CADM2: variants seen among roughly 807,000 people sequenced by gnomAD.
CADM2 encodes the protein immunoglobulin superfamily member 4D.
Under a neutral mutation model 49.8 loss-of-function variants are expected in CADM2, and 12 were observed. The observed-to-expected ratio is 0.24, with a 90% CI of 0.15 to 0.39. The LOEUF (loss-of-function observed/expected upper bound fraction) is 0.39, where lower values mean the gene tolerates loss of function less well. Ranked by LOEUF, CADM2 falls within the 10% of genes least tolerant of loss-of-function variation. CADM2 has a pLI of 1.00. For synonymous variants in CADM2, 214 were observed against 175.4 expected, an observed-to-expected ratio of 1.22 and a Z score of -1.74; for missense variants, 378 against 492.3, an observed-to-expected ratio of 0.77 and a Z score of 2.20.
chr3:85,867,805 A>G (rs1421718476), intron 3 of CADM2, among the ~76,000 whole-genome samples: 1 of 152,096 alleles, frequency 6.6e-6, no homozygotes, highest in African/African-American at 2.4e-5. Flanking sequence ...GTGAATCGGC[A>G]AGTATAAGAA....
intron 1 of CADM2, among the ~76,000 whole-genome samples, chr3:85,118,853 G>T (rs545056602): frequency 6.6e-6 from 1 of 152,086 alleles, no homozygotes; most frequent in East Asian, 1.9e-4. Flanking sequence ...GGGTTCAAGC[G>T]ATTCTCCTGC....
chr3:85,637,446 T>A (rs4422324), intron 1 of CADM2, among the ~76,000 whole-genome samples: 2 of 144,234 alleles, frequency 1.4e-5, no homozygotes, highest in Non-Finnish European at 3.0e-5. Context: ...ACTAAAAATA[T>A]AAAAAATTAG....
chr3:85,373,995 C>G (rs770084746), intron 1 of CADM2, among the ~76,000 whole-genome samples: 1 of 152,098 alleles, frequency 6.6e-6, no homozygotes, highest in East Asian at 1.9e-4. Context: ...AGACATTTTC[C>G]CCATTACCTT....
At chr3:85,681,754 G>A (rs986601836) in intron 1 of CADM2, among the ~76,000 whole-genome samples, 3 of 152,004 alleles carry the variant, frequency 2.0e-5, no homozygotes, top group African/African-American at 7.2e-5. Flanking sequence ...TAGTAGCACA[G>A]AGAAAAAAAT....
chr3:85,495,538 T>G (rs964672563), intron 1 of CADM2, among the ~76,000 whole-genome samples: 9 of 152,132 alleles, frequency 5.9e-5, no homozygotes, highest in Non-Finnish European at 1.2e-4. Flanking sequence ...TGCTTATTTC[T>G]CTAACTAAAA....
chr3:85,705,026 ATTT>A (rs35077990), intron 1 of CADM2, among the ~76,000 whole-genome samples: 5 of 131,868 alleles, frequency 3.8e-5, no homozygotes, highest in Non-Finnish European at 6.5e-5. Flanking sequence ...GCCTGGCTAA[ATTT>A]TTTTTTTTTT....
intron 1 of CADM2, among the ~76,000 whole-genome samples, chr3:85,497,648 G>A (rs10433500): frequency 0.52 from 79,223 of 151,776 alleles, 23,695 homozygotes; most frequent in East Asian, 0.85. Flanking sequence ...AACTTATAGC[G>A]GTATGTTTTA....
At chr3:85,329,598 C>T (rs912402340) in intron 1 of CADM2, among the ~76,000 whole-genome samples, 3 of 151,780 alleles carry the variant, frequency 2.0e-5, no homozygotes, top group Non-Finnish European at 4.4e-5. Flanking sequence ...AAAACAAAAC[C>T]AAAAACAAAC....
chr3:85,261,630 C>T (rs756156460), intron 1 of CADM2, among the ~76,000 whole-genome samples: 5 of 151,910 alleles, frequency 3.3e-5, no homozygotes, highest in South Asian at 2.1e-4. Context: ...TAATGTTAAT[C>T]GAATGTTCAT....
intron 1 of CADM2, among the ~76,000 whole-genome samples, chr3:85,138,197 A>T (rs1189970781): frequency 6.6e-6 from 1 of 152,152 alleles, no homozygotes; most frequent in Non-Finnish European, 1.5e-5. Context: ...CCCAGCAGAG[A>T]AATCTGCAAC....
At chr3:86,062,027 A>G (rs968500771) in intron 8 of CADM2, among the ~76,000 whole-genome samples, 3 of 151,946 alleles carry the variant, frequency 2.0e-5, no homozygotes, top group Admixed American at 6.6e-5. Context: ...GGCAATGTAC[A>G]TTGACAATAT....
At chr3:85,973,334 A>T (rs1000854948) in intron 8 of CADM2, among the ~76,000 whole-genome samples, 15 of 151,800 alleles carry the variant, frequency 9.9e-5, no homozygotes, top group African/African-American at 3.6e-4. Flanking sequence ...GCCTGTGGAT[A>T]GCCACTGCAT....
At chr3:85,896,836 A>G (rs937109607) in intron 5 of CADM2, among the ~76,000 whole-genome samples, 1 of 152,292 alleles carries the variant, frequency 6.6e-6, no homozygotes, top group Non-Finnish European at 1.5e-5. Flanking sequence ...GAATTTCTGA[A>G]TGCTGTGCTT....
chr3:85,157,996 A>T (rs2040193808), intron 1 of CADM2, among the ~76,000 whole-genome samples: 1 of 152,206 alleles, frequency 6.6e-6, no homozygotes, highest in Admixed American at 6.5e-5. Flanking sequence ...ATTTACAAGA[A>T]AAAAACAAAC....
At chr3:85,403,457 A>C (rs1479816542) in intron 1 of CADM2, among the ~76,000 whole-genome samples, 3 of 152,120 alleles carry the variant, frequency 2.0e-5, no homozygotes, top group African/African-American at 4.8e-5. Context: ...TTCTTGTAAC[A>C]TGTTTATGGA....
At chr3:85,059,131 C>T (rs896058959) in intron 1 of CADM2, among the ~76,000 whole-genome samples, 8 of 151,578 alleles carry the variant, frequency 5.3e-5, no homozygotes, top group African/African-American at 9.7e-5. Context: ...CCCAGCTACT[C>T]GGGAGGCTGA....
In CADM2 at chr3:85,933,018, T is replaced by G. The variant is rs146398471; in HGVS notation, c.701-2749T>G. 8.7e-3 allele frequency among the ~76,000 whole-genome samples: 1,323 copies of G among 152,256 alleles called. 18 individuals carry two copies. Among genetic ancestry groups the G allele is most frequent in the African/African-American group, 0.03 (1,267 of 41,554 alleles). On this transcript the variant is annotated intron_variant, in intron 6 of 9. Transcript: ENST00000383699. ...CATTTGTTACACAGATTCTCGCCTCTCCTGTACTGCTTAAACTAAACAGGC... is the reference window on the plus strand; with the variant it reads ...CATTTGTTACACAGATTCTCGCCTCGCCTGTACTGCTTAAACTAAACAGGC...
chr3:85,992,428 A>T (rs1392112852), intron 8 of CADM2: 1 of 152,110 alleles, frequency 6.6e-6, no homozygotes, highest in Non-Finnish European at 1.5e-5. Flanking sequence ...TAATTTTACA[A>T]TATTTTTTGC....
chr3:85,547,766 G>A (rs1413509821), intron 1 of CADM2, among the ~76,000 whole-genome samples: 3 of 152,086 alleles, frequency 2.0e-5, no homozygotes, highest in African/African-American at 4.8e-5. Context: ...GAAAGGGATC[G>A]CTGGTGCTCA....
Sources: gnomAD v4.1 joint callset for allele counts (sites outside exome capture counted in the v4.1 genomes callset) on GRCh38, gnomAD v4.1.1 for gene constraint, MANE v1.5 for transcripts, NCBI Gene and HGNC (gene_info 2026-07-23, HGNC 2026-07-21) for gene names.